Variants in CTNNA3 observed in about 807,000 individuals in gnomAD.
CTNNA3 encodes catenin alpha-3.
In CTNNA3, 76 loss-of-function variants were observed where a neutral mutation model predicts 95.7. That is an observed-to-expected ratio of 0.79 (90% CI 0.66 to 0.96). The LOEUF is 0.96. CTNNA3 is among the 40% of genes least tolerant of loss of function. CTNNA3 has a pLI of 0.00. For missense variants in CTNNA3, 1,191 were observed against 1,089.8 expected, an observed-to-expected ratio of 1.09 and a Z score of -1.31; for synonymous variants, 431 against 374.4, an observed-to-expected ratio of 1.15 and a Z score of -1.74.
At chr10:67,154,886 A>G (rs1861233988) in intron 7 of CTNNA3, among the ~76,000 whole-genome samples, 2 of 152,092 alleles carry the variant, frequency 1.3e-5, no homozygotes, top group South Asian at 4.1e-4. Flanking sequence ...GTCTGCATAA[A>G]CTGTTATCTT....
At chr10:67,404,148 C>T (rs949567528) in intron 5 of CTNNA3, among the ~76,000 whole-genome samples, 1 of 151,754 alleles carries the variant, frequency 6.6e-6, no homozygotes, top group Non-Finnish European at 1.5e-5. Context: ...GCTCCCTTTC[C>T]TCTAAATGAC....
chr10:65,953,291 A>C (rs548649134), intron 17 of CTNNA3, among the ~76,000 whole-genome samples: 2 of 152,174 alleles, frequency 1.3e-5, no homozygotes, highest in Admixed American at 1.3e-4. Flanking sequence ...TTTCTAATTT[A>C]GGACATTCAT....
chr10:67,000,069 G>T (rs192749514), intron 7 of CTNNA3, among the ~76,000 whole-genome samples: 6 of 152,258 alleles, frequency 3.9e-5, no homozygotes, highest in East Asian at 1.9e-4. Flanking sequence ...ACATGGAAAT[G>T]ATCATGATAG....
At chr10:66,872,275 CAG>C (rs1844439004) in intron 7 of CTNNA3, among the ~76,000 whole-genome samples, 1 of 152,150 alleles carries the variant, frequency 6.6e-6, no homozygotes, top group South Asian at 2.1e-4. Flanking sequence ...GCAAGACTCA[CAG>C]AGGTTAAAAA....
chr10:67,230,701 C>T (rs1865150935), intron 5 of CTNNA3, among the ~76,000 whole-genome samples: 1 of 152,210 alleles, frequency 6.6e-6, no homozygotes, highest in Non-Finnish European at 1.5e-5. Context: ...ACAGCTCGGT[C>T]TACAGCTCCC....
intron 17 of CTNNA3, among the ~76,000 whole-genome samples, chr10:65,965,355 C>T (rs1386592561): frequency 7.0e-6 from 1 of 143,452 alleles, no homozygotes; most frequent in Non-Finnish European, 1.5e-5. Flanking sequence ...AAAATATAGG[C>T]AAGACATAGA....
At chr10:67,096,298 T>C (rs914789910) in intron 7 of CTNNA3, among the ~76,000 whole-genome samples, 1 of 151,752 alleles carries the variant, frequency 6.6e-6, no homozygotes, top group South Asian at 2.1e-4. Flanking sequence ...AGTAGAACTG[T>C]AGGGATGGAA....
chr10:66,089,386 C>T (rs1267566413), intron 14 of CTNNA3, among the ~76,000 whole-genome samples: 1 of 151,358 alleles, frequency 6.6e-6, no homozygotes, highest in African/African-American at 2.4e-5. Context: ...TTCCATCCTT[C>T]CTTCTTTCCT....
rs146006311 is a variant in CTNNA3 at position 67,613,852 on chromosome 10, C to G, written c.100-6803G>C. On this transcript the variant is annotated intron_variant, in intron 2 of 17. Transcript: ENST00000433211. Reference sequence around the variant, plus strand: ...ATGGAAGACAACTTTTCCACAGACCCAGGGGTGGAGTGGGGGTAGACGTTT... The same window carrying G: ...ATGGAAGACAACTTTTCCACAGACCGAGGGGTGGAGTGGGGGTAGACGTTT... Among the ~76,000 whole-genome samples the G allele has an allele frequency of 6.0e-4, 91 of 152,172 alleles. 2 individuals carry two copies. The highest frequency in any genetic ancestry group is 2.1e-3 in the African/African-American group (86 of 41,506).
intron 15 of CTNNA3, among the ~76,000 whole-genome samples, chr10:65,990,441 A>C (rs556674622): frequency 7.4e-5 from 11 of 147,728 alleles, no homozygotes; most frequent in African/African-American, 2.7e-4. Context: ...GGGTAAAATG[A>C]TATATTATTG....
chr10:67,252,033 A>T (rs746915309), intron 5 of CTNNA3, among the ~76,000 whole-genome samples: 43 of 152,122 alleles, frequency 2.8e-4, no homozygotes, highest in Middle Eastern at 3.4e-3. Flanking sequence ...AACACGGTGA[A>T]ACTCTGTCTC....
intron 7 of CTNNA3, among the ~76,000 whole-genome samples, chr10:67,036,234 C>G: frequency 6.6e-6 from 1 of 151,582 alleles, no homozygotes; most frequent in East Asian, 1.9e-4. Flanking sequence ...CTCACTGCAA[C>G]CTCAACCTCC....
intron 17 of CTNNA3, among the ~76,000 whole-genome samples, chr10:65,962,564 T>C (rs1051824421): frequency 2.6e-5 from 4 of 152,154 alleles, no homozygotes; most frequent in African/African-American, 9.7e-5. Context: ...GACTAATTTT[T>C]TTTTTATTAT....
chr10:66,147,548 T>C (rs897644144), intron 13 of CTNNA3, among the ~76,000 whole-genome samples: 4 of 150,884 alleles, frequency 2.7e-5, no homozygotes, highest in African/African-American at 7.3e-5. Context: ...TAATACTCCA[T>C]AGAATAACTG....
chr10:66,635,366 T>A (rs1355680931), intron 9 of CTNNA3, among the ~76,000 whole-genome samples: 2 of 152,140 alleles, frequency 1.3e-5, no homozygotes, highest in Non-Finnish European at 2.9e-5. Flanking sequence ...AAGTGTTTAT[T>A]AATAGGATCA....
chr10:66,448,099 G>C (rs2093436537), intron 11 of CTNNA3, among the ~76,000 whole-genome samples: 2 of 152,110 alleles, frequency 1.3e-5, no homozygotes, highest in Admixed American at 6.5e-5. Context: ...CTGGCCATCA[G>C]AGAAATGCAA....
intron 5 of CTNNA3, among the ~76,000 whole-genome samples, chr10:67,470,716 G>C (rs1341858304): frequency 6.6e-6 from 1 of 152,000 alleles, no homozygotes; most frequent in Non-Finnish European, 1.5e-5. Context: ...CTTTAACACA[G>C]AATTCCTCAA....
At chr10:67,187,942 A>G (rs967081662) in intron 6 of CTNNA3, among the ~76,000 whole-genome samples, 1 of 152,064 alleles carries the variant, frequency 6.6e-6, no homozygotes, top group African/African-American at 2.4e-5. Context: ...GTACTCTTCA[A>G]CTTTTCCTTC....
At chr10:67,282,367 T>TC in intron 5 of CTNNA3, among the ~76,000 whole-genome samples, 1 of 152,236 alleles carries the variant, frequency 6.6e-6, no homozygotes, top group South Asian at 2.1e-4. Context: ...GTAGGTATAC[T>TC]CCCATGGGAA....
Sources: gnomAD v4.1 joint callset for allele counts (sites outside exome capture counted in the v4.1 genomes callset) on GRCh38, gnomAD v4.1.1 for gene constraint, MANE v1.5 for transcripts, NCBI Gene and HGNC (gene_info 2026-07-23, HGNC 2026-07-21) for gene names.